The following CSMD1 variants were observed in gnomAD, a reference collection of about 807,000 sequenced individuals.
CSMD1 encodes CUB and sushi domain-containing protein 1.
CSMD1 carries 213 observed loss-of-function variants against 417.5 expected under a neutral mutation model. The observed-to-expected ratio is 0.51, with a 90% CI of 0.46 to 0.57. The LOEUF (loss-of-function observed/expected upper bound fraction) is 0.57. Among genes scored for constraint, CSMD1 ranks in the 20% least tolerant of loss-of-function variants. The probability of loss-of-function intolerance (pLI) is 0.00; values close to 1 mark genes in which losing one functional copy is unlikely to be tolerated. For synonymous variants in CSMD1, 2,862 were observed against 1,736.8 expected (o/e 1.65, Z -16.11); for missense variants, 6,923 against 4,529.7 (o/e 1.53, Z -15.17).
chr8:3,895,177 A>G (rs1396688614), intron 5 of CSMD1, among the ~76,000 whole-genome samples: 1 of 152,240 alleles, frequency 6.6e-6, no homozygotes, highest in African/African-American at 2.4e-5. Flanking sequence ...AGAGACACCA[A>G]CAAAGTTTCC....
chr8:3,924,443 C>A (rs554572096), intron 5 of CSMD1, among the ~76,000 whole-genome samples: 3 of 152,198 alleles, frequency 2.0e-5, no homozygotes, highest in African/African-American at 7.2e-5. Context: ...TGTCATTATT[C>A]CTCTAAGAAA....
At chr8:4,164,897 A>G (rs1797367371) in intron 3 of CSMD1, among the ~76,000 whole-genome samples, 2 of 151,120 alleles carry the variant, frequency 1.3e-5, no homozygotes, top group South Asian at 4.2e-4. Context: ...AAAAATATAT[A>G]TATATGTATA....
chr8:4,317,018 A>G (rs981710059), intron 3 of CSMD1, among the ~76,000 whole-genome samples: 1 of 152,174 alleles, frequency 6.6e-6, no homozygotes, highest in African/African-American at 2.4e-5. Context: ...CTGTTGGGGC[A>G]AAAAACTACA....
chr8:3,641,024 C>CTTTTTTTTTTTTTTT (rs34851559), intron 7 of CSMD1, among the ~76,000 whole-genome samples: 2 of 102,718 alleles, frequency 1.9e-5, no homozygotes, highest in African/African-American at 3.9e-5. Flanking sequence ...TCCTTTTTTC[C>CTTTTTTTTTTTTTTT]TTTTTTTTTT....
intron 5 of CSMD1, among the ~76,000 whole-genome samples, chr8:3,849,790 A>G (rs903288520): frequency 3.3e-5 from 5 of 151,458 alleles, no homozygotes; most frequent in African/African-American, 1.2e-4. Context: ...TAAAGATGAT[A>G]TTGTGAGACA....
chr8:4,251,146 T>A (rs1386825472), intron 3 of CSMD1, among the ~76,000 whole-genome samples: 2 of 152,098 alleles, frequency 1.3e-5, no homozygotes, highest in Non-Finnish European at 2.9e-5. Flanking sequence ...GAGAAAAGTA[T>A]AAAGGTATAC....
At chr8:4,543,070 G>T (rs73182966) in intron 2 of CSMD1, among the ~76,000 whole-genome samples, 1 of 152,030 alleles carries the variant, frequency 6.6e-6, no homozygotes, top group Non-Finnish European at 1.5e-5. Flanking sequence ...CCCCTCACAT[G>T]CCTCCCATAG....
intron 3 of CSMD1, among the ~76,000 whole-genome samples, chr8:4,368,171 A>G (rs909024069): frequency 2.6e-5 from 4 of 152,218 alleles, no homozygotes; most frequent in African/African-American, 9.6e-5. Context: ...TATTCCTTCA[A>G]TGCCTAATTT....
chr8:3,102,017 G>A (rs1195474579), intron 46 of CSMD1, among the ~76,000 whole-genome samples: 2 of 151,968 alleles, frequency 1.3e-5, no homozygotes, highest in African/African-American at 2.4e-5. Flanking sequence ...GGCCAGGCTG[G>A]TGTCGAACTC....
intron 3 of CSMD1, among the ~76,000 whole-genome samples, chr8:4,338,190 GTTAGA>G (rs892551051): frequency 1.6e-4 from 25 of 152,234 alleles, no homozygotes; most frequent in East Asian, 3.9e-4. Context: ...TAATGCAAGA[GTTAGA>G]TTAGAGATGC....
intron 3 of CSMD1, among the ~76,000 whole-genome samples, chr8:4,074,484 T>C (rs1023237603): frequency 6.6e-6 from 1 of 152,104 alleles, no homozygotes; most frequent in African/African-American, 2.4e-5. Context: ...TAGTCAATTA[T>C]GAAAATCTAA....
At chr8:4,969,831 G>A (rs898242938) in intron 1 of CSMD1, among the ~76,000 whole-genome samples, 5 of 152,016 alleles carry the variant, frequency 3.3e-5, no homozygotes, top group Admixed American at 1.3e-4. Flanking sequence ...AGGCAGTAGT[G>A]AATTTTCTCT....
intron 48 of CSMD1, among the ~76,000 whole-genome samples, chr8:3,089,803 C>G (rs1285669757): frequency 1.3e-5 from 2 of 151,992 alleles, no homozygotes; most frequent in African/African-American, 4.8e-5. Context: ...TCTTCTTCTC[C>G]CAATACAGTT....
intron 1 of CSMD1, among the ~76,000 whole-genome samples, chr8:4,665,861 A>G (rs1300121088): frequency 2.0e-5 from 3 of 152,178 alleles, no homozygotes; most frequent in Non-Finnish European, 4.4e-5. Flanking sequence ...ATTTATCTTG[A>G]GTAATTACCT....
chr8:3,975,224 G>C (rs922461001), intron 5 of CSMD1, among the ~76,000 whole-genome samples: 14 of 152,040 alleles, frequency 9.2e-5, no homozygotes, highest in African/African-American at 3.1e-4. Flanking sequence ...TGATTACTTG[G>C]TTTATGCCAT....
At chr8:4,817,017 C>T (rs1015999497) in intron 1 of CSMD1, among the ~76,000 whole-genome samples, 7 of 152,268 alleles carry the variant, frequency 4.6e-5, no homozygotes, top group African/African-American at 1.4e-4. Flanking sequence ...GGCTCAGAGG[C>T]TCCTGGCAGG....
At chr8:4,566,811 A>G (rs943573905) in intron 2 of CSMD1, among the ~76,000 whole-genome samples, 8 of 152,182 alleles carry the variant, frequency 5.3e-5, no homozygotes, top group African/African-American at 1.4e-4. Flanking sequence ...AAATTGTTTC[A>G]GCAAAGTTAT....
chr8:3,804,561 G>A (rs953703013), intron 5 of CSMD1, among the ~76,000 whole-genome samples: 19 of 152,110 alleles, frequency 1.2e-4, no homozygotes, highest in East Asian at 5.8e-4. Context: ...GCAAAATGCA[G>A]TCACAGGTCC....
intron 10 of CSMD1, among the ~76,000 whole-genome samples, chr8:3,556,392 A>AAATATATATATATATATAT (rs1799144386): frequency 8.3e-6 from 1 of 120,448 alleles, no homozygotes; most frequent in South Asian, 2.7e-4. Flanking sequence ...TATAATAATT[A>AAATATATATATATATATAT]ATATATATAT....
Sources: allele counts gnomAD v4.1 joint callset (sites outside exome capture counted in the v4.1 genomes callset), GRCh38; gene constraint gnomAD v4.1.1; transcripts MANE v1.5; gene names NCBI Gene and HGNC (gene_info 2026-07-23, HGNC 2026-07-21).